MAEA: variants seen among roughly 807,000 people sequenced by gnomAD.
MAEA encodes E3 ubiquitin-protein transferase MAEA.
MAEA carries 22 observed loss-of-function variants against 46.2 expected under a neutral mutation model. The observed-to-expected ratio is 0.48, with a 90% CI of 0.34 to 0.68. The LOEUF is 0.68. MAEA is among the 30% of genes least tolerant of loss of function. The pLI is 0.01. For missense variants in MAEA, 393 were observed against 558.1 expected, an observed-to-expected ratio of 0.70 and a Z score of 2.98; for synonymous variants, 246 against 222.6, an observed-to-expected ratio of 1.11 and a Z score of -0.94.
chr4:1,332,474 G>A, intron 5 of MAEA: 1 of 315,196 alleles, frequency 3.2e-6, no homozygotes. Flanking sequence ...CAGCACTTTG[G>A]GAGGCCGGGG....
intron 1 of MAEA, among the ~76,000 whole-genome samples, chr4:1,297,296 G>A (rs998676642): frequency 1.3e-5 from 2 of 152,290 alleles, no homozygotes; most frequent in East Asian, 1.9e-4. Flanking sequence ...TGCGGCCTTC[G>A]CGGCCAGGAG....
chr4:1,292,854 G>C (rs1734233278), intron 1 of MAEA, among the ~76,000 whole-genome samples: 1 of 150,830 alleles, frequency 6.6e-6, no homozygotes, highest in South Asian at 2.1e-4. Flanking sequence ...GTAATGCCTT[G>C]TGGGGGAGGG....
intron 1 of MAEA, among the ~76,000 whole-genome samples, chr4:1,293,122 T>C (rs1734280279): frequency 6.6e-6 from 1 of 152,162 alleles, no homozygotes; most frequent in Non-Finnish European, 1.5e-5. Context: ...CTTGAACTCC[T>C]GACCTCAGGA....
Position 1,311,967 on chromosome 4 carries a change from C to A in MAEA, c.70-12C>A, listed in dbSNP as rs1279142305. The A allele has an allele frequency of 1.9e-6, 3 of 1,600,488 alleles. No individual in the cohort carries two copies. The highest frequency in any genetic ancestry group is 2.6e-6 in the Non-Finnish European group (3 of 1,169,812). ...GGGGAGCAGATCCCTCACCATCCTCCTTCCTCTCCAGGTGCCCTACGAGAC... is the reference window on the plus strand; with the variant it reads ...GGGGAGCAGATCCCTCACCATCCTCATTCCTCTCCAGGTGCCCTACGAGAC... On this transcript the variant is annotated splice_polypyrimidine_tract_variant and intron_variant, in intron 1 of 8. Transcript: ENST00000303400. The surrounding 1 kb of genome is among the most constrained non-coding windows in gnomAD (Gnocchi z 4.4).
chr4:1,329,801 G>T, intron 5 of MAEA: 1 of 985,528 alleles, frequency 1.0e-6, no homozygotes, highest in Non-Finnish European at 1.2e-6. Flanking sequence ...ACTGAGGCTG[G>T]ACAAGAGGGA....
In MAEA at chr4:1,292,083, C is replaced by T. The variant is rs78987046; in HGVS notation, c.69+2101C>T. ...GCACTCTTCAGTTTCCAGGAGGGGCCAGTGCAGATGTCAGAGAAGGGACCG... is the reference window on the plus strand; with the variant it reads ...GCACTCTTCAGTTTCCAGGAGGGGCTAGTGCAGATGTCAGAGAAGGGACCG... On this transcript the variant is annotated intron_variant, in intron 1 of 8. Transcript: ENST00000303400. 4.4e-3 allele frequency among the ~76,000 whole-genome samples: 668 copies of T among 152,250 alleles called. 10 individuals are homozygous for T. The highest frequency in any genetic ancestry group is 0.015 in the African/African-American group (626 of 41,516).
intron 4 of MAEA, among the ~76,000 whole-genome samples, chr4:1,323,229 G>C (rs1336217106): frequency 6.6e-6 from 1 of 152,150 alleles, no homozygotes; most frequent in African/African-American, 2.4e-5. Context: ...ACAGGCGTGA[G>C]CCACCGTGCC....
At chr4:1,303,338 G>T (rs1037203432) in intron 1 of MAEA, among the ~76,000 whole-genome samples, 1 of 148,210 alleles carries the variant, frequency 6.7e-6, no homozygotes, top group Admixed American at 6.9e-5. Flanking sequence ...GGAGGCAGAG[G>T]TTACAGTGAG....
At chr4:1,306,388 A>G (rs1056950344) in intron 1 of MAEA, among the ~76,000 whole-genome samples, 4 of 152,124 alleles carry the variant, frequency 2.6e-5, no homozygotes, top group African/African-American at 9.7e-5. Context: ...GGTGGCAGGC[A>G]CCTGTAGTCC....
At chr4:1,332,280 G>A (rs955101240) in intron 5 of MAEA, 4 of 155,232 alleles carry the variant, frequency 2.6e-5, no homozygotes, top group African/African-American at 9.6e-5. Context: ...CTGGAGGAAG[G>A]AGTGTCTGGT....
chr4:1,317,911 A>G (rs1269716876), intron 3 of MAEA, among the ~76,000 whole-genome samples: 1 of 152,102 alleles, frequency 6.6e-6, no homozygotes, highest in Non-Finnish European at 1.5e-5. Context: ...GTCGTCTGTG[A>G]TGCCTCTGCC....
chr4:1,337,131 C>T (rs569498243), intron 7 of MAEA, 137 bp downstream of exon 7: 25 of 1,094,678 alleles, frequency 2.3e-5, no homozygotes, highest in African/African-American at 2.2e-4. Context: ...GCTGCACTTG[C>T]GTGGTGTCTG....
At chr4:1,295,638 G>A (rs1052237763) in intron 1 of MAEA, among the ~76,000 whole-genome samples, 4 of 148,734 alleles carry the variant, frequency 2.7e-5, no homozygotes, top group African/African-American at 1.0e-4. Context: ...CCCATCACCC[G>A]TACCTGTACC....
chr4:1,307,641 G>A (rs1735961997), intron 1 of MAEA, among the ~76,000 whole-genome samples: 1 of 152,206 alleles, frequency 6.6e-6, no homozygotes, highest in Non-Finnish European at 1.5e-5. Context: ...CAGCAGACCT[G>A]CACCCCAGAG....
At chr4:1,320,427 A>G (rs978758458) in intron 3 of MAEA, among the ~76,000 whole-genome samples, 10 of 149,578 alleles carry the variant, frequency 6.7e-5, no homozygotes, top group Admixed American at 4.0e-4. Flanking sequence ...AAGGGGCTTT[A>G]GAAAGAAATT....
intron 1 of MAEA, among the ~76,000 whole-genome samples, chr4:1,304,631 C>A (rs943703360): frequency 6.6e-6 from 1 of 151,826 alleles, no homozygotes; most frequent in Non-Finnish European, 1.5e-5. Flanking sequence ...TTAGTACAGA[C>A]GGGGGCATCG....
At chr4:1,297,909 G>A (rs928511155) in intron 1 of MAEA, 5 of 439,286 alleles carry the variant, frequency 1.1e-5, no homozygotes, top group African/African-American at 2.0e-5. Context: ...TCCACCCCTC[G>A]CGATGTAGCC....
At chr4:1,296,458 G>GC (rs1399710208) in intron 1 of MAEA, among the ~76,000 whole-genome samples, 3 of 124,278 alleles carry the variant, frequency 2.4e-5, no homozygotes, top group Non-Finnish European at 3.3e-5. Context: ...CCGTGCCTGT[G>GC]CCCCCCTCAC....
In MAEA at chr4:1,339,323, A is replaced by T; in HGVS notation, c.*154A>T. 1 of 608,422 alleles carries T rather than the reference A, an allele frequency of 1.6e-6. No homozygotes were observed. The highest frequency in any genetic ancestry group is 2.0e-5 in the South Asian group (1 of 51,206). The allele number at this position is 608,422 out of a possible 1,614,324, so 37.7% of individuals were successfully genotyped here. A position where few individuals can be genotyped will look rare whatever the true frequency, so the allele number is the denominator to read the frequency against. ...CGATAAATACTCTTAGGAAGAGAGA[A>T]AATAAGGTTTCATAAGTTTGTACTT... On this transcript the variant is annotated 3_prime_UTR_variant, in exon 9 of 9. Coordinates refer to ENST00000303400, the MANE Select transcript of MAEA (RefSeq NM_001017405.3).
Sources: gnomAD v4.1 joint callset for allele counts (sites outside exome capture counted in the v4.1 genomes callset) on GRCh38, gnomAD v4.1.1 for gene constraint, Gnocchi (gnomAD v3.1) non-coding constraint, MANE v1.5 for transcripts, NCBI Gene and HGNC (gene_info 2026-07-23, HGNC 2026-07-21) for gene names.